Variants in TRHR observed in about 807,000 individuals in gnomAD.
TRHR encodes thyrotropin-releasing hormone receptor.
Under a neutral mutation model 28.0 loss-of-function variants are expected in TRHR, and 14 were observed. The observed-to-expected ratio is 0.50, with a 90% CI of 0.33 to 0.78. TRHR has a LOEUF of 0.78. Ranked by LOEUF, TRHR falls within the 30% of genes least tolerant of loss-of-function variation. TRHR has a pLI of 0.02. For synonymous variants in TRHR, 176 were observed against 171.9 expected, an observed-to-expected ratio of 1.02 and a Z score of -0.18; for missense variants, 438 against 469.5, an observed-to-expected ratio of 0.93 and a Z score of 0.62.
Position 109,121,306 on chromosome 8 carries a change from G to A in TRHR, c.*1851G>A, listed in dbSNP as rs1233632603. Among the ~76,000 whole-genome samples, 1 of 151,508 alleles carries A rather than the reference G, an allele frequency of 6.6e-6. No individual in the cohort carries two copies. Among genetic ancestry groups the A allele is most frequent in the Non-Finnish European group, 1.5e-5 (1 of 67,764 alleles). On this transcript the variant is annotated 3_prime_UTR_variant, in exon 3 of 3. Transcript: ENST00000518632. ...AGTGACCCAACCCCAAATCACACAAGCACATGTGTGTTTATAAACACATAC... is the reference window on the plus strand; with the variant it reads ...AGTGACCCAACCCCAAATCACACAAACACATGTGTGTTTATAAACACATAC...
Position 109,088,106 on chromosome 8 carries a change from C to A in TRHR, c.594C>A (p.Val198=). Residue 198 remains valine (V), a synonymous_variant, in exon 2 of 3, where the codon GTC becomes GTA. Transcript: ENST00000518632. ...CTATTTACCTAATGGACTTTGGTGT[C>A]TTTTATGTTGTGCCAATGATCCTGG... ...YSPIYLMDFG[V]FYVVPMILAT... The A allele has an allele frequency of 1.9e-6, 3 of 1,614,086 alleles. No individual in the cohort carries two copies. The highest frequency in any genetic ancestry group is 2.5e-6 in the Non-Finnish European group (3 of 1,180,012).
At chr8:109,088,396 A>T (rs1294033609) in intron 2 of TRHR, 95 bp downstream of exon 2, 1 of 1,272,894 alleles carries the variant, frequency 7.9e-7, no homozygotes, top group East Asian at 2.5e-5. Context: ...CTGATGGCGA[A>T]ACCAAAATAC....
intron 2 of TRHR, among the ~76,000 whole-genome samples, chr8:109,118,610 G>A (rs1037106640): frequency 2.0e-5 from 3 of 151,828 alleles, no homozygotes; most frequent in African/African-American, 7.2e-5. Context: ...GGCATCCACT[G>A]TACCATTTGT....
intron 2 of TRHR, among the ~76,000 whole-genome samples, chr8:109,109,584 A>G (rs1350144240): frequency 2.6e-5 from 4 of 152,098 alleles, no homozygotes; most frequent in African/African-American, 7.2e-5. Context: ...TTCAATTTTC[A>G]TCTAGTTTTT....
chr8:109,111,631 G>A (rs1211413783), intron 2 of TRHR, among the ~76,000 whole-genome samples: 1 of 152,104 alleles, frequency 6.6e-6, no homozygotes. Flanking sequence ...ATTCTAAATC[G>A]ATGCATAACT....
At chr8:109,117,027 G>A (rs994834254) in intron 2 of TRHR, among the ~76,000 whole-genome samples, 1 of 152,092 alleles carries the variant, frequency 6.6e-6, no homozygotes, top group East Asian at 1.9e-4. Context: ...AAAAGAGGCA[G>A]GTAGGTATTA....
At chr8:109,111,375 A>G (rs1397677484) in intron 2 of TRHR, among the ~76,000 whole-genome samples, 2 of 152,208 alleles carry the variant, frequency 1.3e-5, no homozygotes, top group African/African-American at 2.4e-5. Context: ...GCTGAGGGCC[A>G]TCTGAGAGTA....
chr8:109,109,954 T>C (rs1004813969), intron 2 of TRHR, among the ~76,000 whole-genome samples: 1 of 152,164 alleles, frequency 6.6e-6, no homozygotes, highest in East Asian at 1.9e-4. Context: ...GAACTGAAGG[T>C]GTCACAGAGG....
chr8:109,104,937 T>A (rs549553504), intron 2 of TRHR, among the ~76,000 whole-genome samples: 2 of 152,012 alleles, frequency 1.3e-5, no homozygotes, highest in Admixed American at 6.6e-5. Flanking sequence ...CTGAGCAACA[T>A]AGAAACACCC....
chr8:109,087,935 A>C lies in TRHR; in HGVS notation c.423A>C (p.Arg141Ser). The C allele has an allele frequency of 6.2e-7, 1 of 1,614,152 alleles. No homozygotes were observed. The highest frequency in any genetic ancestry group is 8.5e-7 in the Non-Finnish European group (1 of 1,180,028). ...IKAQFLCTFSRAKKIIIFVWA... is the reference protein window; with the variant it reads ...IKAQFLCTFSSAKKIIIFVWA... ...CCCAGTTTCTCTGCACATTTTCCAG[A>C]GCCAAAAAGATTATCATCTTTGTCT... is the stretch of plus-strand genomic sequence containing the variant. The change falls in exon 2 of 3, where the codon AGA (arginine) becomes AGC (serine). Residue 141 changes from arginine (R) to serine (S), a missense_variant. By Grantham distance (110) the Arg-to-Ser change is moderately radical. Coordinates refer to ENST00000518632, the MANE Select transcript of TRHR (RefSeq NM_003301.7).
chr8:109,121,125 A>G lies in TRHR; in HGVS notation c.*1670A>G, dbSNP rs1050626874. 6.6e-6 allele frequency among the ~76,000 whole-genome samples: 1 copy of G among 150,512 alleles called. No individual in the cohort carries two copies. The highest frequency in any genetic ancestry group is 2.4e-5 in the African/African-American group (1 of 40,914). ...TTGGCCTTATCTACTCCAGCAAGACATTTTTATCCTGTTACTATAACAGTA... is the reference window on the plus strand; with the variant it reads ...TTGGCCTTATCTACTCCAGCAAGACGTTTTTATCCTGTTACTATAACAGTA... On this transcript the variant is annotated 3_prime_UTR_variant, in exon 3 of 3. Transcript: ENST00000518632.
intron 2 of TRHR, among the ~76,000 whole-genome samples, chr8:109,091,936 G>A (rs1319286368): frequency 6.6e-6 from 1 of 152,108 alleles, no homozygotes; most frequent in Non-Finnish European, 1.5e-5. Context: ...TGCCTCAAGA[G>A]TCCCTCAGTT....
intron 2 of TRHR, among the ~76,000 whole-genome samples, chr8:109,097,642 C>T (rs377280976): frequency 1.3e-5 from 2 of 152,128 alleles, no homozygotes; most frequent in African/African-American, 4.8e-5. Context: ...AAGTCACTCT[C>T]AGGCTTGAAA....
intron 2 of TRHR, among the ~76,000 whole-genome samples, chr8:109,091,663 TG>T (rs1248750880): frequency 6.6e-6 from 1 of 152,238 alleles, no homozygotes; most frequent in Non-Finnish European, 1.5e-5. Flanking sequence ...CTTCCTTATT[TG>T]TTTTTAACTT....
intron 2 of TRHR, 76 bp downstream of exon 2, chr8:109,088,377 C>T (rs1373517170): frequency 1.3e-6 from 2 of 1,518,134 alleles, no homozygotes; most frequent in Admixed American, 3.5e-5. Flanking sequence ...ACAACTTTTC[C>T]CTGTTTAGCT....
chr8:109,097,690 G>T (rs1342964613), intron 2 of TRHR, among the ~76,000 whole-genome samples: 1 of 152,088 alleles, frequency 6.6e-6, no homozygotes, highest in African/African-American at 2.4e-5. Context: ...TAAAATACAA[G>T]AAGACCCTCC....
rs563292539 is a variant in TRHR, at chr8:109,114,390, G to A, written c.790-4658G>A. On this transcript the variant is annotated intron_variant, in intron 2 of 2. Coordinates refer to ENST00000518632, the MANE Select transcript of TRHR (RefSeq NM_003301.7). The stretch of plus-strand genomic sequence containing the variant: ...TGCCTGCTTCTGTGTTGACTAAAAT[G>A]GCTCCACAGAGCCAACATTTTCAGA... Among the ~76,000 whole-genome samples, 3 of 152,092 alleles carry A rather than the reference G, an allele frequency of 2.0e-5. No homozygotes were observed. In the South Asian group the frequency reaches 6.2e-4, roughly 32 times the overall value.
rs1811999071 is a variant in TRHR at position 109,120,912 on chromosome 8, T to A, written c.*1457T>A. ...CCTTTACATGCCCGTAGGCTGTCAT[T>A]TTCCCTCTCCAGCCTATATCCCTAT... On this transcript the variant is annotated 3_prime_UTR_variant, in exon 3 of 3. Coordinates refer to ENST00000518632, the MANE Select transcript of TRHR (RefSeq NM_003301.7). Among the ~76,000 whole-genome samples, 3 of 151,606 alleles carry A rather than the reference T, an allele frequency of 2.0e-5. No individual in the cohort carries two copies. The highest frequency in any genetic ancestry group is 7.3e-5 in the African/African-American group (3 of 41,358).
At chr8:109,101,466 C>T (rs1022583556) in intron 2 of TRHR, among the ~76,000 whole-genome samples, 3 of 152,074 alleles carry the variant, frequency 2.0e-5, no homozygotes, top group African/African-American at 7.2e-5. Flanking sequence ...AACCTTGAGC[C>T]TCATTTGTAT....
Sources: gnomAD v4.1 joint callset for allele counts (sites outside exome capture counted in the v4.1 genomes callset) on GRCh38, gnomAD v4.1.1 for gene constraint, MANE v1.5 for transcripts, NCBI Gene and HGNC (gene_info 2026-07-23, HGNC 2026-07-21) for gene names.